DLG2: variants seen among roughly 807,000 people sequenced by gnomAD.
DLG2 encodes the protein discs large MAGUK scaffold protein 2.
Under a neutral mutation model 132.5 loss-of-function variants are expected in DLG2, and 45 were observed. That is an observed-to-expected ratio of 0.34 (90% CI 0.27 to 0.44). The LOEUF (loss-of-function observed/expected upper bound fraction) is 0.44. Ranked by LOEUF, DLG2 falls within the 20% of genes least tolerant of loss-of-function variation. DLG2 has a pLI of 1.00. For missense variants in DLG2, 1,045 were observed against 1,196.9 expected (o/e 0.87, Z 1.87); for synonymous variants, 424 against 419.6 (o/e 1.01, Z -0.13).
intron 3 of DLG2, chr11:85,524,999 A>C (rs1012250239): frequency 6.6e-6 from 1 of 152,144 alleles, no homozygotes; most frequent in Non-Finnish European, 1.5e-5. Flanking sequence ...ACCTGGTATA[A>C]CTTCCTTCCT....
chr11:84,986,651 A>G (rs1201555981), intron 6 of DLG2, among the ~76,000 whole-genome samples: 1 of 152,212 alleles, frequency 6.6e-6, no homozygotes, highest in Non-Finnish European at 1.5e-5. Context: ...AAAGAATTAA[A>G]AACAAAAATC....
At chr11:84,587,167 T>C (rs2099531803) in intron 6 of DLG2, among the ~76,000 whole-genome samples, 1 of 152,192 alleles carries the variant, frequency 6.6e-6, no homozygotes, top group African/African-American at 2.4e-5. Context: ...TTTCAGCTAT[T>C]GTGATTAGAA....
chr11:85,350,500 T>TGGTA, intron 3 of DLG2, among the ~76,000 whole-genome samples: 1 of 152,346 alleles, frequency 6.6e-6, no homozygotes, highest in East Asian at 1.9e-4. Flanking sequence ...ATGTCCTGAA[T>TGGTA]GGTATTGCCT....
At chr11:84,129,962 A>G (rs1009325580) in intron 9 of DLG2, among the ~76,000 whole-genome samples, 1 of 152,088 alleles carries the variant, frequency 6.6e-6, no homozygotes, top group Non-Finnish European at 1.5e-5. Flanking sequence ...TTAAATAGTT[A>G]ATATTTTCAA....
intron 3 of DLG2, among the ~76,000 whole-genome samples, chr11:85,322,662 T>C (rs572810548): frequency 6.6e-6 from 1 of 152,284 alleles, no homozygotes; most frequent in South Asian, 2.1e-4. Context: ...AAAAATCTTA[T>C]TCTCCTCCAC....
At chr11:84,479,274 C>T (rs994594356) in intron 7 of DLG2, among the ~76,000 whole-genome samples, 19 of 151,958 alleles carry the variant, frequency 1.3e-4, no homozygotes, top group African/African-American at 4.6e-4. Context: ...TAGATAAATA[C>T]CCTTAACTGG....
chr11:85,078,681 GGA>G (rs2066862559), intron 6 of DLG2, among the ~76,000 whole-genome samples: 2 of 151,928 alleles, frequency 1.3e-5, no homozygotes, highest in Non-Finnish European at 2.9e-5. Context: ...AGAAGAAACA[GGA>G]GAGAGAGGAA....
intron 16 of DLG2, among the ~76,000 whole-genome samples, chr11:83,864,826 C>A (rs141011763): frequency 0.012 from 1,760 of 151,590 alleles, 34 homozygotes; most frequent in African/African-American, 0.039. Context: ...AAAAAAAAAC[C>A]AGATTTCATT....
chr11:83,636,081 C>G (rs79839718), intron 18 of DLG2, among the ~76,000 whole-genome samples: 2,068 of 152,236 alleles, frequency 0.014, 52 homozygotes, highest in African/African-American at 0.048. Flanking sequence ...ATGGGACACT[C>G]TCCTTTATAC....
At chr11:83,971,613 G>A (rs1000157734) in intron 12 of DLG2, among the ~76,000 whole-genome samples, 6 of 152,078 alleles carry the variant, frequency 3.9e-5, no homozygotes, top group African/African-American at 1.4e-4. Context: ...TGAACTGGGA[G>A]GTGATTACAG....
intron 7 of DLG2, among the ~76,000 whole-genome samples, chr11:84,448,838 A>G (rs2099043282): frequency 1.3e-5 from 2 of 152,062 alleles, no homozygotes; most frequent in Non-Finnish European, 2.9e-5. Flanking sequence ...GGAGACCTAC[A>G]TAGTCCTCCA....
chr11:84,101,747 TG>T (rs1477155026), intron 9 of DLG2, among the ~76,000 whole-genome samples: 3 of 152,162 alleles, frequency 2.0e-5, no homozygotes, highest in Admixed American at 2.0e-4. Flanking sequence ...TAGAGTATAT[TG>T]GTCTCACTGT....
At position 83,884,018 on chromosome 11, in the gene DLG2, A is replaced by C. The variant is rs962193158; in HGVS notation, c.1497-9530T>G. On this transcript the variant is annotated intron_variant, in intron 15 of 27. Transcript: ENST00000376104. ...CTACAGCTCCCAGCGTGAGTGACGC[A>C]GAAGACGGGTGATTTCTGCATTTCC... Among the ~76,000 whole-genome samples, 5 of 146,712 alleles carry C rather than the reference A, an allele frequency of 3.4e-5. No individual in the cohort carries two copies. The South Asian group carries it at 9.0e-4, about 26-fold the overall frequency.
intron 4 of DLG2, among the ~76,000 whole-genome samples, chr11:85,199,479 C>A (rs1487010015): frequency 6.6e-6 from 1 of 152,170 alleles, no homozygotes; most frequent in Non-Finnish European, 1.5e-5. Flanking sequence ...ATGCGAGAAT[C>A]AAAGTTCATT....
intron 15 of DLG2, among the ~76,000 whole-genome samples, chr11:83,891,178 G>C (rs1405964412): frequency 6.6e-6 from 1 of 152,150 alleles, no homozygotes; most frequent in Non-Finnish European, 1.5e-5. Context: ...TAGAAAGGTT[G>C]TGATGGAAAG....
intron 2 of DLG2, among the ~76,000 whole-genome samples, chr11:85,600,304 T>A (rs562947527): frequency 1.3e-5 from 2 of 152,370 alleles, no homozygotes; most frequent in South Asian, 4.1e-4. Context: ...CATCCCATCA[T>A]TACTAAATCC....
In DLG2 at chr11:84,231,948, A is replaced by C. The variant is rs141366203; in HGVS notation, c.573+19290T>G. 3.7e-4 allele frequency among the ~76,000 whole-genome samples: 56 copies of C among 152,258 alleles called. No individual in the cohort carries two copies. In the East Asian group the frequency reaches 0.01, roughly 28 times the overall value. Reference sequence around the variant, plus strand: ...TGTAAGGATTACTGATCACATACACACCAGGACAGAAAGACTCCCAGAAAT... The same window carrying C: ...TGTAAGGATTACTGATCACATACACCCCAGGACAGAAAGACTCCCAGAAAT... On this transcript the variant is annotated intron_variant, in intron 8 of 27. Coordinates refer to ENST00000376104, the MANE Select transcript of DLG2 (RefSeq NM_001142699.3).
intron 3 of DLG2, among the ~76,000 whole-genome samples, chr11:85,396,566 T>C (rs2087393373): frequency 6.6e-6 from 1 of 151,818 alleles, no homozygotes; most frequent in Non-Finnish European, 1.5e-5. Flanking sequence ...AAATAAACAG[T>C]GTAGAGAAGA....
intron 4 of DLG2, among the ~76,000 whole-genome samples, chr11:85,178,634 T>A (rs1213207469): frequency 6.6e-6 from 1 of 151,538 alleles, no homozygotes; most frequent in Non-Finnish European, 1.5e-5. Flanking sequence ...GCCAAACAAA[T>A]TATGTTGGAA....
Sources: gnomAD v4.1 joint callset for allele counts (sites outside exome capture counted in the v4.1 genomes callset) on GRCh38, gnomAD v4.1.1 for gene constraint, MANE v1.5 for transcripts, NCBI Gene and HGNC (gene_info 2026-07-23, HGNC 2026-07-21) for gene names.